ATP10B: variants seen among roughly 807,000 people sequenced by gnomAD.
ATP10B encodes the protein ATPase phospholipid transporting 10B (putative), also known as phospholipid-transporting ATPase VB.
A neutral mutation model predicts 141.2 loss-of-function variants in ATP10B; 122 were observed. The observed-to-expected ratio is 0.86, with a 90% CI of 0.75 to 1.00. The LOEUF is 1.00. Among genes scored for constraint, ATP10B ranks in the 50% least tolerant of loss-of-function variants. The probability of loss-of-function intolerance (pLI) is 0.00; values close to 1 mark genes in which losing one functional copy is unlikely to be tolerated. For missense variants in ATP10B, 1,876 were observed against 1,825.3 expected, an observed-to-expected ratio of 1.03 and a Z score of -0.51; for synonymous variants, 685 against 692.0, an observed-to-expected ratio of 0.99 and a Z score of 0.16.
intron 1 of ATP10B, among the ~76,000 whole-genome samples, chr5:160,797,550 A>G (rs1038282815): frequency 1.3e-4 from 20 of 152,176 alleles, no homozygotes; most frequent in African/African-American, 4.3e-4. Flanking sequence ...TATATATTCC[A>G]TGTTCCCTAA....
At chr5:160,655,251 G>C (rs2127704279) in intron 7 of ATP10B, among the ~76,000 whole-genome samples, 1 of 152,170 alleles carries the variant, frequency 6.6e-6, no homozygotes, top group African/African-American at 2.4e-5. Flanking sequence ...TGGCCTAGAA[G>C]ACATTTTTTT....
At chr5:160,835,901 C>G (rs74878834) in intron 1 of ATP10B, among the ~76,000 whole-genome samples, 1 of 152,006 alleles carries the variant, frequency 6.6e-6, no homozygotes, top group Non-Finnish European at 1.5e-5. Context: ...AATTTGTAAT[C>G]TTTTATAGGG....
chr5:160,917,590 T>C, the ATP10B span, among the ~76,000 whole-genome samples: 121 of 152,258 alleles, frequency 7.9e-4, no homozygotes, highest in East Asian at 0.011. Flanking sequence ...ATTGATCACC[T>C]AGAAGATCTT....
intron 10 of ATP10B, among the ~76,000 whole-genome samples, chr5:160,637,943 G>A (rs1759539794): frequency 6.6e-6 from 1 of 152,206 alleles, no homozygotes. Flanking sequence ...AGGGCCACTG[G>A]CCTTTAAGGG....
the ATP10B span, among the ~76,000 whole-genome samples, chr5:160,877,019 TC>T: frequency 2.0e-3 from 302 of 151,818 alleles, 1 homozygote; most frequent in African/African-American, 6.8e-3. Flanking sequence ...GAGGGAATCC[TC>T]CCCTAACTCA....
At chr5:160,728,387 A>G (rs1412973017) in intron 2 of ATP10B, among the ~76,000 whole-genome samples, 1 of 152,148 alleles carries the variant, frequency 6.6e-6, no homozygotes, top group Non-Finnish European at 1.5e-5. Context: ...ACTTATTTCA[A>G]TTATCTAACT....
chr5:160,803,323 C>T (rs76234087), intron 1 of ATP10B, among the ~76,000 whole-genome samples: 1,613 of 152,252 alleles, frequency 0.011, 31 homozygotes, highest in African/African-American at 0.037. Context: ...ATGCTTTACA[C>T]ATTATTTGAT....
At chr5:160,905,162 AG>A in the ATP10B span, among the ~76,000 whole-genome samples, 1 of 152,220 alleles carries the variant, frequency 6.6e-6, no homozygotes, top group Admixed American at 6.5e-5. Flanking sequence ...GCTGAGGCTC[AG>A]GGAGTTTAAG....
chr5:160,685,034 G>T, intron 6 of ATP10B: 1 of 703,592 alleles, frequency 1.4e-6, no homozygotes, highest in Non-Finnish European at 2.6e-6. Flanking sequence ...GCAAACCGGT[G>T]TAGCTGCTCA....
chr5:160,822,943 G>A (rs1356749790), intron 1 of ATP10B, among the ~76,000 whole-genome samples: 2 of 128,024 alleles, frequency 1.6e-5, no homozygotes, highest in African/African-American at 5.8e-5. Flanking sequence ...ATAAGACCTA[G>A]TACTTATTAA....
At chr5:160,830,433 T>A (rs559018921) in intron 1 of ATP10B, among the ~76,000 whole-genome samples, 1 of 152,242 alleles carries the variant, frequency 6.6e-6, no homozygotes, top group Admixed American at 6.5e-5. Context: ...AAATACATGT[T>A]TTCTGTATAT....
intron 1 of ATP10B, among the ~76,000 whole-genome samples, chr5:160,812,726 G>C (rs1028185335): frequency 6.1e-5 from 8 of 130,698 alleles, no homozygotes; most frequent in Non-Finnish European, 1.1e-4. Context: ...AAGAAAAAAA[G>C]AATAAAAAAG....
intron 1 of ATP10B, among the ~76,000 whole-genome samples, chr5:160,832,181 C>T (rs1294884481): frequency 1.3e-5 from 2 of 151,962 alleles, no homozygotes; most frequent in Non-Finnish European, 2.9e-5. Context: ...TTAAAATAAG[C>T]CAACACCTTC....
intron 1 of ATP10B, among the ~76,000 whole-genome samples, chr5:160,844,264 ATTC>A (rs2127989083): frequency 6.6e-6 from 1 of 152,322 alleles, no homozygotes; most frequent in Non-Finnish European, 1.5e-5. Flanking sequence ...TCATAGGAAC[ATTC>A]TTCATAATTG....
intron 6 of ATP10B, among the ~76,000 whole-genome samples, chr5:160,674,540 A>G (rs1444754950): frequency 6.6e-6 from 1 of 152,186 alleles, no homozygotes; most frequent in Non-Finnish European, 1.5e-5. Flanking sequence ...TCTACTGGTT[A>G]TAATTGCCTG....
At chr5:160,705,907 A>T (rs1329684527) in intron 3 of ATP10B, among the ~76,000 whole-genome samples, 1 of 152,184 alleles carries the variant, frequency 6.6e-6, no homozygotes, top group African/African-American at 2.4e-5. Context: ...ATTTAAAGTG[A>T]GGGACATTCA....
At chr5:160,589,023 G>A (rs930360639) in intron 24 of ATP10B, among the ~76,000 whole-genome samples, 8 of 151,890 alleles carry the variant, frequency 5.3e-5, no homozygotes, top group African/African-American at 1.9e-4. Context: ...TTTGTTTTTT[G>A]TTTTTTGAGA....
intron 2 of ATP10B, among the ~76,000 whole-genome samples, chr5:160,734,707 G>A (rs543808006): frequency 1.3e-5 from 2 of 151,950 alleles, no homozygotes; most frequent in South Asian, 2.1e-4. Flanking sequence ...CACAACAAAA[G>A]AACACATTGA....
chr5:160,874,780 A>G, the ATP10B span, among the ~76,000 whole-genome samples: 1 of 151,486 alleles, frequency 6.6e-6, no homozygotes, highest in Non-Finnish European at 1.5e-5. Flanking sequence ...AAGAAAGGGT[A>G]TCAGCAATGG....
Sources: allele counts gnomAD v4.1 joint callset (sites outside exome capture counted in the v4.1 genomes callset), GRCh38; gene constraint gnomAD v4.1.1; transcripts MANE v1.5; gene names NCBI Gene and HGNC (gene_info 2026-07-23, HGNC 2026-07-21).